TBC1D15: variants seen among roughly 807,000 people sequenced by gnomAD.
TBC1D15 encodes GAP for RAB7.
Under a neutral mutation model 95.4 loss-of-function variants are expected in TBC1D15, and 39 were observed. That is an observed-to-expected ratio of 0.41 (90% CI 0.32 to 0.53). TBC1D15 has a LOEUF of 0.53. TBC1D15 is among the 20% of genes least tolerant of loss of function. The pLI is 0.29. For missense variants in TBC1D15, 733 were observed against 794.3 expected (o/e 0.92, Z 0.93); for synonymous variants, 258 against 261.3 (o/e 0.99, Z 0.12).
rs373667197 is a variant in TBC1D15, at chr12:71,918,447, A to T, written c.1502-4A>T. On this transcript the variant is annotated splice_polypyrimidine_tract_variant and splice_region_variant and intron_variant, in intron 13 of 16. Transcript: ENST00000485960. ...TCATATGTGTGTTTTTTTCTTCTGC[A>T]TAGAATCTCAGGACTCTGGATACCT... 8.0e-5 allele frequency: 127 copies of T among 1,577,806 alleles called. No individual in the cohort carries two copies. Among genetic ancestry groups the T allele is most frequent in the Non-Finnish European group, 1.1e-4 (123 of 1,160,008 alleles).
chr12:71,868,554 CTT>C (rs1891990955), intron 1 of TBC1D15, among the ~76,000 whole-genome samples: 1 of 152,124 alleles, frequency 6.6e-6, no homozygotes, highest in Non-Finnish European at 1.5e-5. Context: ...CCAGCTTTGA[CTT>C]TTTTGTAAGG....
At chr12:71,877,873 G>A (rs1330119827) in intron 3 of TBC1D15, among the ~76,000 whole-genome samples, 2 of 152,050 alleles carry the variant, frequency 1.3e-5, no homozygotes, top group African/African-American at 4.8e-5. Flanking sequence ...TCTGTTTTCT[G>A]TAGATAACTT....
At chr12:71,893,726 A>G (rs1265162156) in intron 6 of TBC1D15, among the ~76,000 whole-genome samples, 5 of 151,962 alleles carry the variant, frequency 3.3e-5, no homozygotes, top group Admixed American at 6.6e-5. Flanking sequence ...CGTCATGACA[A>G]TCTTATTCCC....
chr12:71,913,107 T>C (rs1902802670), intron 11 of TBC1D15, among the ~76,000 whole-genome samples: 2 of 152,054 alleles, frequency 1.3e-5, no homozygotes, highest in African/African-American at 2.4e-5. Flanking sequence ...CATTGAGAAA[T>C]TGTAATAATA....
intron 1 of TBC1D15, among the ~76,000 whole-genome samples, chr12:71,850,915 A>G (rs1887636026): frequency 7.4e-6 from 1 of 135,304 alleles, no homozygotes; most frequent in Non-Finnish European, 1.5e-5. Flanking sequence ...TGAACCCGGG[A>G]GGCAGAGCTT....
At chr12:71,863,231 A>C (rs1890763714) in intron 1 of TBC1D15, among the ~76,000 whole-genome samples, 1 of 152,028 alleles carries the variant, frequency 6.6e-6, no homozygotes, top group Non-Finnish European at 1.5e-5. Context: ...ACAAAAAATT[A>C]GCCAGGTGTG....
intron 9 of TBC1D15, 77 bp downstream of exon 9, chr12:71,896,857 A>T: frequency 9.0e-7 from 1 of 1,116,468 alleles, no homozygotes; most frequent in East Asian, 2.6e-5. Context: ...GGGTTTCTAG[A>T]TGAGGATTTG....
At chr12:71,845,259 AT>A (rs1302254927) in intron 1 of TBC1D15, among the ~76,000 whole-genome samples, 1 of 152,172 alleles carries the variant, frequency 6.6e-6, no homozygotes, top group Non-Finnish European at 1.5e-5. Flanking sequence ...CCAGATGGAC[AT>A]TTTGTAAAGG....
At position 71,923,050 on chromosome 12, in the gene TBC1D15, A is replaced by G. The variant is rs759922741; in HGVS notation, c.1871A>G (p.Asp624Gly). The change falls in exon 17 of 17, where the codon GAC becomes GGC. Residue 624 changes from aspartate to glycine, a missense_variant. Transcript: ENST00000485960. ...AGTGAAGTTACAACACCAGATTCAG[A>G]CGTTGGTGAAGACGAAAATGTTGTC... is the stretch of plus-strand genomic sequence containing the variant. ...QGSEVTTPDS[D>G]VGEDENVVMT... 1 of 1,614,210 alleles carries G rather than the reference A, an allele frequency of 6.2e-7. No homozygotes were observed. Among genetic ancestry groups the G allele is most frequent in the East Asian group, 2.2e-5 (1 of 44,878 alleles).
chr12:71,902,338 G>T (rs1471728456), intron 10 of TBC1D15, among the ~76,000 whole-genome samples: 1 of 152,076 alleles, frequency 6.6e-6, no homozygotes, highest in Non-Finnish European at 1.5e-5. Context: ...TACTGCAAGG[G>T]TATAGTAACT....
At chr12:71,897,281 T>G (rs1353769150) in intron 9 of TBC1D15, 1 of 154,018 alleles carries the variant, frequency 6.5e-6, no homozygotes, top group Admixed American at 6.5e-5. Context: ...CAGACCAACT[T>G]TCCAGGTACA....
rs1452479829 is a variant in TBC1D15 at position 71,908,791 on chromosome 12, G to T, written c.1300+1653G>T. ...TCTCGTAGCAGCCTTTTGAAAAAGT[G>T]GGGAAATCTCACTTTATGAGTAAGG... On this transcript the variant is annotated intron_variant, in intron 11 of 16. Coordinates refer to ENST00000485960, the MANE Select transcript of TBC1D15 (RefSeq NM_001146213.3). Among the ~76,000 whole-genome samples, 6 of 152,246 alleles carry T rather than the reference G, an allele frequency of 3.9e-5. 1 individual carries two copies. In the East Asian group the frequency reaches 1.2e-3, roughly 29 times the overall value.
At chr12:71,878,304 G>C (rs1894395737) in intron 3 of TBC1D15, among the ~76,000 whole-genome samples, 1 of 152,080 alleles carries the variant, frequency 6.6e-6, no homozygotes, top group Non-Finnish European at 1.5e-5. Flanking sequence ...TTTGGACTTA[G>C]TTGTCCTGTC....
chr12:71,849,219 C>T (rs1321619717), intron 1 of TBC1D15: 5 of 480,702 alleles, frequency 1.0e-5, no homozygotes, highest in East Asian at 1.0e-4. Flanking sequence ...TAGGGTTGTT[C>T]CTCATGGTTT....
chr12:71,850,270 A>G, intron 1 of TBC1D15: 1 of 514,720 alleles, frequency 1.9e-6, no homozygotes, highest in Non-Finnish European at 3.8e-6. Context: ...TCTCTGTCAA[A>G]TTTTGTCATG....
chr12:71,896,784 A>G lies in TBC1D15; in HGVS notation c.1088+4A>G. The G allele has an allele frequency of 6.2e-7, 1 of 1,606,812 alleles. No individual in the cohort carries two copies. Reference sequence around the variant, plus strand: ...CCCAATTACAAAAGCAAAAAACGTAAGTAATGGTCTTTCGTACATTTATCA... The same window carrying G: ...CCCAATTACAAAAGCAAAAAACGTAGGTAATGGTCTTTCGTACATTTATCA... On this transcript the variant is annotated splice_donor_region_variant and intron_variant, in intron 9 of 16. Coordinates refer to ENST00000485960, the MANE Select transcript of TBC1D15 (RefSeq NM_001146213.3).
chr12:71,895,805 C>T, intron 7 of TBC1D15, 142 bp from the exon 8 acceptor site: 2 of 772,760 alleles, frequency 2.6e-6, no homozygotes, highest in Non-Finnish European at 3.8e-6. Flanking sequence ...TATAGTTAAA[C>T]TAAACATGGG....
intron 14 of TBC1D15, among the ~76,000 whole-genome samples, chr12:71,919,731 A>G (rs1868520607): frequency 6.6e-6 from 1 of 152,164 alleles, no homozygotes; most frequent in African/African-American, 2.4e-5. Flanking sequence ...CTAGTGTTCC[A>G]TTATTGGAAC....
At position 71,908,424 on chromosome 12, in the gene TBC1D15, C is replaced by T. The variant is rs530805536; in HGVS notation, c.1300+1286C>T. 2.6e-5 allele frequency among the ~76,000 whole-genome samples: 4 copies of T among 152,146 alleles called. No homozygotes were observed. The South Asian group carries it at 6.2e-4, about 24-fold the overall frequency. ...GAAATAATGTTTTCTAGATTAGTAA[C>T]GCTTGAGACATCCTTTAGAGAAGGT... On this transcript the variant is annotated intron_variant, in intron 11 of 16. Coordinates refer to ENST00000485960, the MANE Select transcript of TBC1D15 (RefSeq NM_001146213.3).
Sources: gnomAD v4.1 joint callset for allele counts (sites outside exome capture counted in the v4.1 genomes callset) on GRCh38, gnomAD v4.1.1 for gene constraint, MANE v1.5 for transcripts, NCBI Gene and HGNC (gene_info 2026-07-23, HGNC 2026-07-21) for gene names.